Variants in ZNF385D observed in about 807,000 individuals in gnomAD.
ZNF385D encodes zinc finger protein 659.
Under a neutral mutation model 35.8 loss-of-function variants are expected in ZNF385D, and 15 were observed. The observed-to-expected ratio is 0.42, with a 90% CI of 0.28 to 0.64. The LOEUF is 0.64. ZNF385D is among the 30% of genes least tolerant of loss of function. ZNF385D has a pLI of 0.23. For synonymous variants in ZNF385D, 212 were observed against 186.8 expected, an observed-to-expected ratio of 1.13 and a Z score of -1.10; for missense variants, 474 against 494.6, an observed-to-expected ratio of 0.96 and a Z score of 0.39.
At chr3:21,882,698 C>T (rs555085306) in intron 3 of ZNF385D, among the ~76,000 whole-genome samples, 2 of 151,936 alleles carry the variant, frequency 1.3e-5, no homozygotes, top group Admixed American at 6.6e-5. Context: ...AGCAATGCTC[C>T]CGATTCTCAA....
At chr3:22,057,090 C>G (rs865882672) in intron 3 of ZNF385D, among the ~76,000 whole-genome samples, 5 of 152,338 alleles carry the variant, frequency 3.3e-5, no homozygotes, top group Middle Eastern at 3.4e-3. Context: ...CCTACCACAT[C>G]TGATCAGTTG....
chr3:21,776,852 C>T (rs2071309407), intron 3 of ZNF385D, among the ~76,000 whole-genome samples: 1 of 151,870 alleles, frequency 6.6e-6, no homozygotes, highest in Non-Finnish European at 1.5e-5. Flanking sequence ...TGGGCAGAAA[C>T]TGAAACTTTT....
intron 3 of ZNF385D, among the ~76,000 whole-genome samples, chr3:22,079,293 A>G (rs1172986148): frequency 6.7e-6 from 1 of 149,602 alleles, no homozygotes; most frequent in African/African-American, 2.5e-5. Flanking sequence ...TCTGCTTTGT[A>G]AATAAGCCTT....
chr3:21,771,758 A>G (rs1480370331), intron 3 of ZNF385D, among the ~76,000 whole-genome samples: 1 of 151,970 alleles, frequency 6.6e-6, no homozygotes, highest in Non-Finnish European at 1.5e-5. Flanking sequence ...AAACTAAGTA[A>G]GACCATAAAT....
At chr3:21,947,157 G>A (rs992177208) in intron 3 of ZNF385D, among the ~76,000 whole-genome samples, 1 of 152,032 alleles carries the variant, frequency 6.6e-6, no homozygotes, top group Admixed American at 6.6e-5. Flanking sequence ...TATACCACTT[G>A]GATATAAGGA....
At position 22,024,923 on chromosome 3, in the gene ZNF385D, T is replaced by G. The variant is rs113679245; in HGVS notation, c.325+143894A>C. 9.3e-4 allele frequency among the ~76,000 whole-genome samples: 142 copies of G among 152,252 alleles called. 1 individual carries two copies. The highest frequency in any genetic ancestry group is 3.3e-3 in the African/African-American group (139 of 41,562). On this transcript the variant is annotated intron_variant, in intron 3 of 5. Transcript: ENST00000494108. ...CCCTGAGTGAGAGTTTTATCTCCTG[T>G]AGAGAAAGAGCTGAAATTGTGGAAA... is the stretch of plus-strand genomic sequence containing the variant.
intron 3 of ZNF385D, among the ~76,000 whole-genome samples, chr3:21,772,948 A>G (rs1002028807): frequency 2.2e-4 from 34 of 152,034 alleles, no homozygotes; most frequent in African/African-American, 7.5e-4. Context: ...GAAATAGCCA[A>G]TCACTAAAAG....
At chr3:21,461,926 T>TGA (rs199679615) in intron 4 of ZNF385D, among the ~76,000 whole-genome samples, 1,617 of 152,342 alleles carry the variant, frequency 0.011, 78 homozygotes, top group Admixed American at 0.079. Context: ...CTTAAGTATC[T>TGA]GACTTAGAGC....
chr3:21,696,996 A>G (rs1361767868), intron 1 of ZNF385D, among the ~76,000 whole-genome samples: 1 of 152,226 alleles, frequency 6.6e-6, no homozygotes, highest in Non-Finnish European at 1.5e-5. Context: ...CAGTTTATAT[A>G]TCATTCTCAT....
intron 3 of ZNF385D, among the ~76,000 whole-genome samples, chr3:22,158,136 C>G (rs1026820956): frequency 1.3e-5 from 2 of 152,100 alleles, no homozygotes; most frequent in African/African-American, 2.4e-5. Context: ...AGGACATTCA[C>G]TTTCTGACAT....
Position 21,577,689 on chromosome 3 carries a change from T to C in ZNF385D, c.166-13005A>G, listed in dbSNP as rs75733388. Among the ~76,000 whole-genome samples the C allele has an allele frequency of 2.0e-5, 3 of 152,214 alleles. No individual in the cohort carries two copies. The East Asian group carries it at 5.8e-4, about 29-fold the overall frequency. On this transcript the variant is annotated intron_variant, in intron 2 of 7. Transcript: ENST00000281523. ...CACTAGCAGGTTATTTTTTGTCTTATTATCATAGCCATTCTAACTGGGGTG... is the reference window on the plus strand; with the variant it reads ...CACTAGCAGGTTATTTTTTGTCTTACTATCATAGCCATTCTAACTGGGGTG...
chr3:21,879,980 A>G (rs1384135745), intron 3 of ZNF385D, among the ~76,000 whole-genome samples: 1 of 151,954 alleles, frequency 6.6e-6, no homozygotes, highest in African/African-American at 2.4e-5. Context: ...TCTGGCCACA[A>G]TTTGTCTCTC....
chr3:22,183,893 T>C lies in ZNF385D; in HGVS notation c.107-14858A>G, dbSNP rs555968254. 2.6e-5 allele frequency among the ~76,000 whole-genome samples: 4 copies of C among 152,160 alleles called. No homozygotes were observed. The East Asian group carries it at 7.7e-4, about 29-fold the overall frequency. On this transcript the variant is annotated intron_variant, in intron 2 of 5. Transcript: ENST00000494108. ...TTTTTTTGCATTTTTTATATTTTAC[T>C]TTTATGCTGTGAAAGAACTGTTAAT...
intron 3 of ZNF385D, among the ~76,000 whole-genome samples, chr3:21,878,365 C>T (rs916281116): frequency 6.6e-6 from 1 of 151,934 alleles, no homozygotes; most frequent in African/African-American, 2.4e-5. Flanking sequence ...TGTGAGCAAG[C>T]CTGTTTCATA....
At chr3:21,483,313 T>C (rs1198037305) in intron 4 of ZNF385D, among the ~76,000 whole-genome samples, 2 of 152,192 alleles carry the variant, frequency 1.3e-5, no homozygotes, top group East Asian at 3.9e-4. Context: ...TACATATCAA[T>C]AGTTTATTCC....
At chr3:21,690,226 T>C (rs2067237523) in intron 1 of ZNF385D, among the ~76,000 whole-genome samples, 1 of 152,022 alleles carries the variant, frequency 6.6e-6, no homozygotes, top group African/African-American at 2.4e-5. Flanking sequence ...CATATATACA[T>C]CCATACACAC....
At chr3:21,895,388 C>T (rs1361290093) in intron 3 of ZNF385D, among the ~76,000 whole-genome samples, 2 of 128,452 alleles carry the variant, frequency 1.6e-5, no homozygotes, top group Admixed American at 9.8e-5. Context: ...AGTGTAATGG[C>T]GCAGTCTTGG....
At chr3:21,650,456 A>C (rs899536776) in intron 2 of ZNF385D, among the ~76,000 whole-genome samples, 3 of 152,282 alleles carry the variant, frequency 2.0e-5, no homozygotes, top group Admixed American at 2.0e-4. Context: ...TACAGGCAAC[A>C]TGATACATAG....
chr3:21,666,394 T>G (rs1456232445), intron 1 of ZNF385D, among the ~76,000 whole-genome samples: 1 of 152,112 alleles, frequency 6.6e-6, no homozygotes, highest in African/African-American at 2.4e-5. Flanking sequence ...GGAGCCAAAT[T>G]AAGAAAAACA....
Sources: allele counts gnomAD v4.1 joint callset (sites outside exome capture counted in the v4.1 genomes callset), GRCh38; gene constraint gnomAD v4.1.1; transcripts MANE v1.5; gene names NCBI Gene and HGNC (gene_info 2026-07-23, HGNC 2026-07-21).